The following SH3RF2 variants were observed in gnomAD, a reference collection of about 807,000 sequenced individuals.
SH3RF2 encodes E3 ubiquitin-protein ligase SH3RF2.
Under a neutral mutation model 59.0 loss-of-function variants are expected in SH3RF2, and 43 were observed. The observed-to-expected ratio is 0.73, with a 90% CI of 0.57 to 0.94. The LOEUF (loss-of-function observed/expected upper bound fraction) is 0.94, where lower values mean the gene tolerates loss of function less well. SH3RF2 is among the 40% of genes least tolerant of loss of function. SH3RF2 has a pLI of 0.00. For synonymous variants in SH3RF2, 391 were observed against 391.5 expected (o/e 1.00, Z 0.01); for missense variants, 930 against 940.1 (o/e 0.99, Z 0.14).
chr5:146,002,514 AAGGAAGGAAGGAAGG>A (rs1760465897), intron 3 of SH3RF2, among the ~76,000 whole-genome samples: 4 of 150,904 alleles, frequency 2.7e-5, no homozygotes, highest in African/African-American at 7.3e-5. Context: ...GGAAGGAAGG[AAGGAAGGAAGGAAGG>A]AAGGAAGGAT....
intron 2 of SH3RF2, among the ~76,000 whole-genome samples, chr5:145,978,480 G>GC (rs1759382969): frequency 6.6e-6 from 1 of 152,100 alleles, no homozygotes; most frequent in Admixed American, 6.5e-5. Context: ...TACTCTTCAT[G>GC]CCCCATCTAA....
chr5:145,979,303 A>G (rs1759423071), intron 2 of SH3RF2, among the ~76,000 whole-genome samples: 1 of 152,210 alleles, frequency 6.6e-6, no homozygotes, highest in South Asian at 2.1e-4. Flanking sequence ...AGTGATTCCA[A>G]TGCACCCTAA....
chr5:146,067,373 C>G (rs1286785805), downstream of SH3RF2, among the ~76,000 whole-genome samples: 1 of 152,218 alleles, frequency 6.6e-6, no homozygotes, highest in East Asian at 1.9e-4. Context: ...GCCTGCTTCA[C>G]TCACCCACGT....
At chr5:146,075,669 G>T (rs55874924) in intron 9 of SH3RF2, among the ~76,000 whole-genome samples, 34,273 of 151,478 alleles carry the variant, frequency 0.23, 4,880 homozygotes, top group Admixed American at 0.34. Flanking sequence ...AAATTAGCTG[G>T]GCATGGTAGT....
chr5:145,958,573 G>T (rs1758505978), intron 2 of SH3RF2, among the ~76,000 whole-genome samples: 1 of 152,116 alleles, frequency 6.6e-6, no homozygotes. Flanking sequence ...ATAAAACATA[G>T]GTGCTGAGAG....
At chr5:145,960,912 T>A (rs1184905878) in intron 2 of SH3RF2, among the ~76,000 whole-genome samples, 1 of 152,174 alleles carries the variant, frequency 6.6e-6, no homozygotes. Flanking sequence ...CTCAGTTTCA[T>A]TGAAAAACAG....
At chr5:146,020,571 C>T (rs1451824789) in intron 5 of SH3RF2, among the ~76,000 whole-genome samples, 2 of 152,166 alleles carry the variant, frequency 1.3e-5, no homozygotes, top group African/African-American at 4.8e-5. Context: ...TTATTTCTCT[C>T]ATATATATCT....
intron 5 of SH3RF2, among the ~76,000 whole-genome samples, chr5:146,044,219 C>T (rs1762228172): frequency 6.6e-6 from 1 of 151,424 alleles, no homozygotes. Context: ...GGCATGATCT[C>T]GGCTCACTGT....
chr5:146,014,961 G>A (rs1007130941), intron 5 of SH3RF2, among the ~76,000 whole-genome samples: 1 of 152,190 alleles, frequency 6.6e-6, no homozygotes, highest in Non-Finnish European at 1.5e-5. Context: ...TAATTAAGAA[G>A]AGCTGCATGT....
At chr5:145,954,739 A>G (rs1758327486) in intron 2 of SH3RF2, among the ~76,000 whole-genome samples, 1 of 152,202 alleles carries the variant, frequency 6.6e-6, no homozygotes, top group East Asian at 1.9e-4. Context: ...TAATTGGCTC[A>G]TGGTTCTGCA....
chr5:146,035,195 C>T (rs189331325), intron 5 of SH3RF2, among the ~76,000 whole-genome samples: 6 of 150,820 alleles, frequency 4.0e-5, no homozygotes, highest in Admixed American at 1.3e-4. Context: ...TAAAAATGTT[C>T]GTTGTTGTCG....
At chr5:145,994,008 T>C (rs902918417) in intron 2 of SH3RF2, among the ~76,000 whole-genome samples, 10 of 152,210 alleles carry the variant, frequency 6.6e-5, no homozygotes, top group Admixed American at 6.5e-4. Context: ...AGCACCCAAG[T>C]CACCTCTTGA....
At chr5:146,034,315 G>A (rs1361645366) in intron 5 of SH3RF2, among the ~76,000 whole-genome samples, 1 of 152,186 alleles carries the variant, frequency 6.6e-6, no homozygotes, top group East Asian at 1.9e-4. Flanking sequence ...GACAGCAGAG[G>A]GCTTGCTTGC....
chr5:145,951,185 T>G (rs1436088348), intron 2 of SH3RF2, among the ~76,000 whole-genome samples: 3 of 152,208 alleles, frequency 2.0e-5, no homozygotes, highest in African/African-American at 7.2e-5. Context: ...CCGCAAAAGC[T>G]TATTTAATCC....
At chr5:145,974,910 G>A (rs145312427) in intron 2 of SH3RF2, among the ~76,000 whole-genome samples, 11 of 152,252 alleles carry the variant, frequency 7.2e-5, no homozygotes, top group South Asian at 2.1e-4. Context: ...ATATTGAATC[G>A]GTTTTCCCAA....
chr5:146,008,631 C>A (rs1054924490), intron 4 of SH3RF2, among the ~76,000 whole-genome samples: 2 of 152,074 alleles, frequency 1.3e-5, no homozygotes, highest in Non-Finnish European at 2.9e-5. Flanking sequence ...CTTTTTATTT[C>A]TTTTTTATTT....
chr5:145,968,285 G>T (rs1396195124), intron 2 of SH3RF2, among the ~76,000 whole-genome samples: 1 of 152,008 alleles, frequency 6.6e-6, no homozygotes, highest in Non-Finnish European at 1.5e-5. Context: ...AAAAATATTG[G>T]AAAGAACCCC....
At chr5:145,982,756 C>T (rs1759550652) in intron 2 of SH3RF2, among the ~76,000 whole-genome samples, 2 of 152,102 alleles carry the variant, frequency 1.3e-5, no homozygotes, top group Non-Finnish European at 2.9e-5. Context: ...TCAAATTCCA[C>T]CATGAGAGCA....
rs540974481 is a variant in SH3RF2 at position 146,040,410 on chromosome 5, G to C, written c.1060-7362G>C. ...GTGGGAAGTGGGAAGTAACAGGTAG[G>C]GGGGTGGCCAGGAGAAGTGCAAGGT... On this transcript the variant is annotated intron_variant, in intron 5 of 9. Coordinates refer to ENST00000359120, the MANE Select transcript of SH3RF2 (RefSeq NM_152550.4). Among the ~76,000 whole-genome samples, 7 of 152,270 alleles carry C rather than the reference G, an allele frequency of 4.6e-5. No individual in the cohort carries two copies. In the East Asian group the frequency reaches 5.8e-4, roughly 13 times the overall value.
Sources: allele counts gnomAD v4.1 joint callset (sites outside exome capture counted in the v4.1 genomes callset), GRCh38; gene constraint gnomAD v4.1.1; transcripts MANE v1.5; gene names NCBI Gene and HGNC (gene_info 2026-07-23, HGNC 2026-07-21).